Variants in EMCN observed in about 807,000 individuals in gnomAD.
The protein encoded by EMCN is endomucin.
Under a neutral mutation model 38.4 loss-of-function variants are expected in EMCN, and 37 were observed. The observed-to-expected ratio is 0.96, with a 90% confidence interval of 0.74 to 1.27. The LOEUF (loss-of-function observed/expected upper bound fraction) is 1.27, where lower values mean the gene tolerates loss of function less well. EMCN is among the 50% of genes most tolerant of loss of function. The probability of loss-of-function intolerance (pLI) is 0.00; values close to 1 mark genes in which losing one functional copy is unlikely to be tolerated. For synonymous variants in EMCN, 95 were observed against 100.8 expected (o/e 0.94, Z 0.35); for missense variants, 318 against 302.8 (o/e 1.05, Z -0.37).
intron 4 of EMCN, among the ~76,000 whole-genome samples, chr4:100,454,238 CA>C (rs397879572): frequency 0.25 from 31,550 of 124,320 alleles, 3,478 homozygotes; most frequent in Middle Eastern, 0.41. Context: ...AAGCCATTAG[CA>C]AAAAAAAAAA....
At chr4:100,441,275 CT>C (rs1364930792) in intron 5 of EMCN, among the ~76,000 whole-genome samples, 1 of 152,064 alleles carries the variant, frequency 6.6e-6, no homozygotes, top group Non-Finnish European at 1.5e-5. Flanking sequence ...CATTCTTTGT[CT>C]CTTGTGACAA....
intron 11 of EMCN, among the ~76,000 whole-genome samples, chr4:100,403,484 C>T (rs1257893534): frequency 1.4e-5 from 2 of 140,026 alleles, no homozygotes; most frequent in African/African-American, 2.6e-5. Flanking sequence ...GGTTGGTGGG[C>T]ATCTAGGTTC....
intron 1 of EMCN, among the ~76,000 whole-genome samples, chr4:100,505,378 G>A (rs1729456686): frequency 6.6e-6 from 1 of 152,162 alleles, no homozygotes; most frequent in African/African-American, 2.4e-5. Context: ...TGTTGCCAGG[G>A]AAAGAGGTAT....
At chr4:100,455,579 A>G (rs1404214738) in intron 4 of EMCN, among the ~76,000 whole-genome samples, 1 of 146,294 alleles carries the variant, frequency 6.8e-6, no homozygotes, top group East Asian at 2.0e-4. Flanking sequence ...GTTCCTGATG[A>G]GTCTCTGCTG....
At chr4:100,439,751 T>C (rs1292408062) in intron 5 of EMCN, among the ~76,000 whole-genome samples, 2 of 152,004 alleles carry the variant, frequency 1.3e-5, no homozygotes, top group Non-Finnish European at 2.9e-5. Context: ...TTGTTTTTAA[T>C]GTCGGCATGT....
intron 11 of EMCN, among the ~76,000 whole-genome samples, chr4:100,408,746 T>C (rs1726465182): frequency 6.6e-6 from 1 of 152,104 alleles, no homozygotes; most frequent in African/African-American, 2.4e-5. Flanking sequence ...CTCCCCAGCT[T>C]GGTGGCAGCA....
At chr4:100,517,100 A>G (rs1729778169) in intron 1 of EMCN, among the ~76,000 whole-genome samples, 1 of 152,088 alleles carries the variant, frequency 6.6e-6, no homozygotes, top group African/African-American at 2.4e-5. Context: ...ATTTTCAATC[A>G]CTCAGGAAGG....
chr4:100,495,622 G>A (rs557074593), intron 1 of EMCN, among the ~76,000 whole-genome samples: 1 of 152,048 alleles, frequency 6.6e-6, no homozygotes, highest in African/African-American at 2.4e-5. Flanking sequence ...AAAACCAATC[G>A]ATGTAATCTC....
chr4:100,447,534 T>C lies in EMCN; in HGVS notation c.414A>G (p.Pro138=). 1.2e-6 allele frequency: 2 copies of C among 1,602,180 alleles called. No homozygotes were observed. The highest frequency in any genetic ancestry group is 2.2e-5 in the South Asian group (2 of 90,674). Residue 138 remains proline, a splice_region_variant and synonymous_variant, in exon 5 of 12, where the codon CCA becomes CCG. Coordinates refer to ENST00000296420, the MANE Select transcript of EMCN (RefSeq NM_016242.4). Reference sequence around the variant, plus strand: ...AGAGACAGAGAAAAAAGAGCTTACCTGGTATTTCTGTTGTTTTAATTGAAC... The same window carrying C: ...AGAGACAGAGAAAAAAGAGCTTACCCGGTATTTCTGTTGTTTTAATTGAAC... ...TQSSIKTTEI[P]GSVLQPDASP...
intron 4 of EMCN, 151 bp downstream of exon 4, chr4:100,465,272 G>A (rs918414585): frequency 2.1e-6 from 1 of 471,002 alleles, no homozygotes; most frequent in Non-Finnish European, 3.8e-6. Flanking sequence ...TGTAAAAGAT[G>A]AGGCTGCCAA....
At chr4:100,402,839 T>G (rs1467497585) in intron 11 of EMCN, among the ~76,000 whole-genome samples, 4 of 152,126 alleles carry the variant, frequency 2.6e-5, no homozygotes, top group Non-Finnish European at 5.9e-5. Flanking sequence ...TTTTTCCAAC[T>G]GCAGAAGACT....
chr4:100,434,742 A>G (rs369026690), intron 5 of EMCN, among the ~76,000 whole-genome samples: 5 of 152,242 alleles, frequency 3.3e-5, no homozygotes, highest in Non-Finnish European at 7.3e-5. Context: ...AATAAATGTA[A>G]TTCATCACGT....
chr4:100,491,130 C>T (rs1729065726), intron 1 of EMCN, among the ~76,000 whole-genome samples: 1 of 151,900 alleles, frequency 6.6e-6, no homozygotes, highest in Non-Finnish European at 1.5e-5. Flanking sequence ...TCTGTTGTTT[C>T]CTTTGATGTA....
Position 100,423,392 on chromosome 4 carries a change from T to C in EMCN, c.428A>G (p.Gln143Arg). Reference sequence around the variant, plus strand: ...AGTTTTAGAAGGTGATGCATCTGGTTGTAGAACACTACCTGTATGAAAATT... The same window carrying C: ...AGTTTTAGAAGGTGATGCATCTGGTCGTAGAACACTACCTGTATGAAAATT... ...KTTEIPGSVL[Q>R]PDASPSKTGT... Residue 143 changes from glutamine (Q) to arginine (R), a missense_variant, in exon 6 of 12, where the codon CAA (glutamine) becomes CGA (arginine). Coordinates refer to ENST00000296420, the MANE Select transcript of EMCN (RefSeq NM_016242.4). 1 of 1,610,588 alleles carries C rather than the reference T, an allele frequency of 6.2e-7. No homozygotes were observed. The highest frequency in any genetic ancestry group is 1.1e-5 in the South Asian group (1 of 90,996).
chr4:100,398,543 C>A (rs1044233744), intron 11 of EMCN, among the ~76,000 whole-genome samples, 170 bp from the exon 12 acceptor site: 2 of 152,110 alleles, frequency 1.3e-5, no homozygotes, highest in Admixed American at 1.3e-4. Flanking sequence ...GCTCTTCAAA[C>A]TTGACATATC....
At chr4:100,494,094 C>T (rs1729151997) in intron 1 of EMCN, among the ~76,000 whole-genome samples, 1 of 152,144 alleles carries the variant, frequency 6.6e-6, no homozygotes, top group African/African-American at 2.4e-5. Context: ...CTGCTCTGAA[C>T]CACATGCTCA....
chr4:100,422,027 T>G (rs1358864217), intron 7 of EMCN, among the ~76,000 whole-genome samples: 1 of 151,942 alleles, frequency 6.6e-6, no homozygotes, highest in Non-Finnish European at 1.5e-5. Context: ...CCTTCCTTCC[T>G]TCTTTCCTTC....
At chr4:100,497,845 A>C (rs1294168740) in intron 1 of EMCN, among the ~76,000 whole-genome samples, 2 of 152,214 alleles carry the variant, frequency 1.3e-5, no homozygotes, top group Non-Finnish European at 2.9e-5. Context: ...AAGATACATA[A>C]AAATTTAGTA....
At chr4:100,461,234 TA>T (rs1728169840) in intron 4 of EMCN, among the ~76,000 whole-genome samples, 2 of 152,222 alleles carry the variant, frequency 1.3e-5, no homozygotes, top group Admixed American at 6.5e-5. Flanking sequence ...TGACTTTATT[TA>T]GTTCTCTTTC....
Sources: gnomAD v4.1 joint callset for allele counts (sites outside exome capture counted in the v4.1 genomes callset) on GRCh38, gnomAD v4.1.1 for gene constraint, MANE v1.5 for transcripts, NCBI Gene and HGNC (gene_info 2026-07-23, HGNC 2026-07-21) for gene names.